The following PHKB variants were observed in gnomAD, a reference collection of about 807,000 sequenced individuals.
PHKB encodes the protein phosphorylase b kinase regulatory subunit beta.
A neutral mutation model predicts 152.1 loss-of-function variants in PHKB; 122 were observed. The ratio of observed to expected loss-of-function variants is 0.80; its 90% CI spans 0.69 to 0.93. PHKB has a LOEUF of 0.93. Ranked by LOEUF, PHKB falls within the 40% of genes least tolerant of loss-of-function variation. The probability of loss-of-function intolerance (pLI) is 0.00; values close to 1 mark genes in which losing one functional copy is unlikely to be tolerated. For missense variants in PHKB, 1,304 were observed against 1,328.4 expected (o/e 0.98, Z 0.29); for synonymous variants, 436 against 464.9 (o/e 0.94, Z 0.80).
At chr16:47,635,810 T>A (rs1012260715) in intron 14 of PHKB, among the ~76,000 whole-genome samples, 1 of 152,240 alleles carries the variant, frequency 6.6e-6, no homozygotes, top group Non-Finnish European at 1.5e-5. Flanking sequence ...ATAAATTGCT[T>A]AAACTTTCTG....
At chr16:47,565,771 G>C in intron 7 of PHKB, 1 of 1,499,792 alleles carries the variant, frequency 6.7e-7, no homozygotes, top group South Asian at 1.1e-5. Context: ...TGTTCCTTCT[G>C]TAGCTGTTCT....
chr16:47,527,833 G>A (rs1009978017), intron 6 of PHKB, among the ~76,000 whole-genome samples: 13 of 152,158 alleles, frequency 8.5e-5, no homozygotes, highest in Non-Finnish European at 1.8e-4. Flanking sequence ...CCAGGGGTGT[G>A]TGTGCACAAA....
At position 47,581,826 on chromosome 16, in the gene PHKB, G is replaced by A. The variant is rs182531117; in HGVS notation, c.774+1468G>A. ...CCCCGAGTAGCTGGGATTACAGGCG[G>A]CTGCCACCACGCCCGGCTAATTTTT... On this transcript the variant is annotated intron_variant, in intron 8 of 30. Coordinates refer to ENST00000323584, the MANE Select transcript of PHKB (RefSeq NM_000293.3). Among the ~76,000 whole-genome samples the A allele has an allele frequency of 1.7e-3, 259 of 152,096 alleles. 2 individuals are homozygous for A. The highest frequency in any genetic ancestry group is 5.9e-3 in the African/African-American group (245 of 41,516).
intron 7 of PHKB, chr16:47,566,586 G>C: frequency 6.6e-7 from 1 of 1,519,558 alleles, no homozygotes; most frequent in Non-Finnish European, 9.1e-7. Context: ...CACATCATAG[G>C]GTAGGTTCCC....
At chr16:47,474,527 C>A (rs1221985141) in intron 1 of PHKB, among the ~76,000 whole-genome samples, 4 of 152,062 alleles carry the variant, frequency 2.6e-5, no homozygotes, top group Non-Finnish European at 5.9e-5. Context: ...TATTATATTT[C>A]TGTCTTCCTC....
At chr16:47,528,398 T>C (rs1210991225) in intron 6 of PHKB, among the ~76,000 whole-genome samples, 1 of 152,204 alleles carries the variant, frequency 6.6e-6, no homozygotes, top group African/African-American at 2.4e-5. Context: ...TCTAGCTAGT[T>C]AGTTAATAGG....
chr16:47,548,626 A>T (rs1479555265), intron 7 of PHKB, among the ~76,000 whole-genome samples: 1 of 151,734 alleles, frequency 6.6e-6, no homozygotes, highest in Non-Finnish European at 1.5e-5. Flanking sequence ...AAAAAAAGAA[A>T]CACTGTAGAA....
chr16:47,483,519 T>A (rs1197466052), intron 1 of PHKB, among the ~76,000 whole-genome samples: 3 of 152,222 alleles, frequency 2.0e-5, no homozygotes, highest in Non-Finnish European at 4.4e-5. Flanking sequence ...TTGAGAAATC[T>A]TATTATGTGT....
intron 6 of PHKB, among the ~76,000 whole-genome samples, chr16:47,546,584 G>T (rs1971169924): frequency 2.6e-5 from 4 of 152,226 alleles, no homozygotes; most frequent in Admixed American, 1.3e-4. Flanking sequence ...TGAGGAGGCA[G>T]TTTGTCTGTT....
intron 5 of PHKB, 139 bp downstream of exon 5, chr16:47,511,911 T>A (rs537443747): frequency 2.9e-6 from 2 of 680,264 alleles, no homozygotes; most frequent in Admixed American, 2.1e-5. Context: ...GGTTTTGGGA[T>A]GAAACCGTTC....
intron 6 of PHKB, among the ~76,000 whole-genome samples, chr16:47,534,329 C>T (rs1304029003): frequency 3.3e-5 from 5 of 152,134 alleles, no homozygotes; most frequent in South Asian, 2.1e-4. Flanking sequence ...CCTCACTGGC[C>T]GATAACCTCT....
At chr16:47,550,046 A>G (rs1373929569) in intron 7 of PHKB, among the ~76,000 whole-genome samples, 2 of 152,192 alleles carry the variant, frequency 1.3e-5, no homozygotes, top group Admixed American at 6.5e-5. Flanking sequence ...TGTCCATGGT[A>G]TAACACTTTA....
At chr16:47,471,883 C>A (rs1340831950) in intron 1 of PHKB, among the ~76,000 whole-genome samples, 5 of 151,988 alleles carry the variant, frequency 3.3e-5, no homozygotes, top group African/African-American at 1.2e-4. Flanking sequence ...GTGAAACCCC[C>A]TCTCTACTAA....
intron 1 of PHKB, among the ~76,000 whole-genome samples, chr16:47,480,597 T>C (rs2034254847): frequency 1.3e-5 from 2 of 152,330 alleles, no homozygotes; most frequent in Middle Eastern, 3.4e-3. Flanking sequence ...TCAAGGCTGA[T>C]TTCCATTGTA....
intron 9 of PHKB, among the ~76,000 whole-genome samples, chr16:47,588,083 G>A (rs1597105611): frequency 6.6e-6 from 1 of 152,152 alleles, no homozygotes; most frequent in East Asian, 1.9e-4. Context: ...ATTTTTCATA[G>A]TGTATATATC....
At chr16:47,595,801 G>T (rs549223570) in intron 12 of PHKB, among the ~76,000 whole-genome samples, 1 of 152,242 alleles carries the variant, frequency 6.6e-6, no homozygotes, top group Non-Finnish European at 1.5e-5. Context: ...ATAACAATCT[G>T]CTGTTGAATT....
rs943930024 is a variant in PHKB, at chr16:47,690,879, T to C, written c.2765+1704T>C. ...AAAAGATTAAGGTGAACATCGCCAG[T>C]AATAAGACACATCAAAATCATATAT... On this transcript the variant is annotated intron_variant, in intron 27 of 30. Coordinates refer to ENST00000323584, the MANE Select transcript of PHKB (RefSeq NM_000293.3). Among the ~76,000 whole-genome samples the C allele has an allele frequency of 2.0e-5, 3 of 152,098 alleles. No homozygotes were observed. In the East Asian group the frequency reaches 5.8e-4, roughly 29 times the overall value.
intron 1 of PHKB, among the ~76,000 whole-genome samples, chr16:47,474,411 A>G (rs1969832993): frequency 6.6e-6 from 1 of 152,208 alleles, no homozygotes; most frequent in African/African-American, 2.4e-5. Context: ...ACAGACACAG[A>G]GTCTGGGATT....
intron 4 of PHKB, among the ~76,000 whole-genome samples, chr16:47,507,246 G>GTC (rs1970435540): frequency 6.8e-6 from 1 of 146,882 alleles, no homozygotes; most frequent in Non-Finnish European, 1.5e-5. Context: ...AAGTGCAAGG[G>GTC]TTACAGGCGT....
Sources: allele counts gnomAD v4.1 joint callset (sites outside exome capture counted in the v4.1 genomes callset), GRCh38; gene constraint gnomAD v4.1.1; transcripts MANE v1.5; gene names NCBI Gene and HGNC (gene_info 2026-07-23, HGNC 2026-07-21).